CSNK1G1: variants seen among roughly 807,000 people sequenced by gnomAD.
CSNK1G1 encodes casein kinase I isoform gamma-1.
CSNK1G1 carries 22 observed loss-of-function variants against 59.6 expected under a neutral mutation model. That is an observed-to-expected ratio of 0.37 (90% CI 0.26 to 0.53). The LOEUF is 0.53. Among genes scored for constraint, CSNK1G1 ranks in the 20% least tolerant of loss-of-function variants. CSNK1G1 has a pLI of 0.89. For missense variants in CSNK1G1, 384 were observed against 519.5 expected (o/e 0.74, Z 2.54); for synonymous variants, 179 against 177.1 (o/e 1.01, Z -0.08).
At chr15:64,251,804 C>G (rs114306375) in intron 3 of CSNK1G1, among the ~76,000 whole-genome samples, 148 of 152,258 alleles carry the variant, frequency 9.7e-4, no homozygotes, top group African/African-American at 3.4e-3. Context: ...TAAAAATAGA[C>G]TTTGCATGAG....
chr15:64,251,443 A>C, intron 4 of CSNK1G1, 69 bp downstream of exon 4: 1 of 1,174,042 alleles, frequency 8.5e-7, no homozygotes, highest in South Asian at 1.4e-5. Context: ...CAGACAAAAA[A>C]ATTTGTATAT....
chr15:64,320,284 G>A (rs998640782), intron 1 of CSNK1G1, among the ~76,000 whole-genome samples: 4 of 152,060 alleles, frequency 2.6e-5, no homozygotes, highest in Non-Finnish European at 2.9e-5. Context: ...CAGAAGTACC[G>A]GATATTGATT....
chr15:64,231,268 G>C (rs2082544657), intron 4 of CSNK1G1, among the ~76,000 whole-genome samples: 1 of 149,554 alleles, frequency 6.7e-6, no homozygotes, highest in Admixed American at 6.7e-5. Context: ...TGAGGCTGCA[G>C]TGAGCTGTGA....
intron 2 of CSNK1G1, among the ~76,000 whole-genome samples, chr15:64,293,561 A>G (rs1894855778): frequency 6.6e-6 from 1 of 152,228 alleles, no homozygotes; most frequent in East Asian, 1.9e-4. Flanking sequence ...AAACGTACAT[A>G]TCCTTTGACA....
chr15:64,341,798 C>T (rs1384353551), intron 1 of CSNK1G1, among the ~76,000 whole-genome samples: 2 of 152,150 alleles, frequency 1.3e-5, no homozygotes, highest in African/African-American at 2.4e-5. Context: ...CAGTAAGCTT[C>T]TTGGGCATGA....
chr15:64,316,535 C>CAAAAAAAAAAA (rs66620488), intron 1 of CSNK1G1, among the ~76,000 whole-genome samples: 1 of 94,072 alleles, frequency 1.1e-5, no homozygotes, highest in Non-Finnish European at 2.2e-5. Flanking sequence ...GACTCTGTCT[C>CAAAAAAAAAAA]AAAAAAAAAA....
Position 64,343,830 on chromosome 15 carries a change from T to A in CSNK1G1, c.-225+12158A>T, listed in dbSNP as rs138009861. 5.1e-3 allele frequency among the ~76,000 whole-genome samples: 769 copies of A among 151,482 alleles called. 10 individuals are homozygous for A. The highest frequency in any genetic ancestry group is 0.017 in the African/African-American group (713 of 41,386). ...ACCACAGCTCTAGTATGGTGATGAATACACAGTAGAAACTGATTATTTCTT... is the reference window on the plus strand; with the variant it reads ...ACCACAGCTCTAGTATGGTGATGAAAACACAGTAGAAACTGATTATTTCTT... On this transcript the variant is annotated intron_variant, in intron 1 of 11. Coordinates refer to ENST00000303052, the MANE Select transcript of CSNK1G1 (RefSeq NM_022048.5).
At chr15:64,185,592 G>A (rs2081881385) in intron 10 of CSNK1G1, among the ~76,000 whole-genome samples, 1 of 152,058 alleles carries the variant, frequency 6.6e-6, no homozygotes, top group African/African-American at 2.4e-5. Flanking sequence ...GGCCAGGCAC[G>A]GTGGCTCACA....
chr15:64,278,177 G>A (rs1037837164), intron 2 of CSNK1G1, among the ~76,000 whole-genome samples: 3 of 150,768 alleles, frequency 2.0e-5, no homozygotes, highest in African/African-American at 7.3e-5. Flanking sequence ...CTCCCGAGTA[G>A]CTGGGATTAC....
At chr15:64,238,521 ATATATAT>A (rs2082649985) in intron 4 of CSNK1G1, among the ~76,000 whole-genome samples, 1 of 117,472 alleles carries the variant, frequency 8.5e-6, no homozygotes, top group Non-Finnish European at 1.7e-5. Flanking sequence ...AAAAAAAAAT[ATATATAT>A]ATATATATAT....
intron 4 of CSNK1G1, among the ~76,000 whole-genome samples, chr15:64,229,085 T>C (rs1410075393): frequency 6.6e-6 from 1 of 151,024 alleles, no homozygotes; most frequent in Non-Finnish European, 1.5e-5. Flanking sequence ...TATCAACATA[T>C]AGACCTACCT....
chr15:64,266,547 A>C (rs143701563), intron 2 of CSNK1G1, among the ~76,000 whole-genome samples: 130 of 152,330 alleles, frequency 8.5e-4, no homozygotes, highest in African/African-American at 2.9e-3. Flanking sequence ...GAACCACAAA[A>C]GATTCCAAAT....
chr15:64,209,990 G>A (rs1309041006), intron 6 of CSNK1G1, among the ~76,000 whole-genome samples: 31 of 152,028 alleles, frequency 2.0e-4, no homozygotes, highest in Non-Finnish European at 4.4e-5. Flanking sequence ...TAAATTATGA[G>A]ATTAATATAT....
intron 4 of CSNK1G1, among the ~76,000 whole-genome samples, chr15:64,233,469 G>A (rs559939115): frequency 2.0e-5 from 3 of 152,190 alleles, no homozygotes; most frequent in Non-Finnish European, 4.4e-5. Context: ...AGAGCTATTT[G>A]AGAATTTAAA....
chr15:64,247,606 C>A (rs539251263), intron 4 of CSNK1G1, among the ~76,000 whole-genome samples: 1 of 152,280 alleles, frequency 6.6e-6, no homozygotes, highest in South Asian at 2.1e-4. Flanking sequence ...AAAGCAGAGA[C>A]AATGTGGAAG....
Position 64,214,328 on chromosome 15 carries a change from GA to G in CSNK1G1, c.445-205del, listed in dbSNP as rs1404792179. On this transcript the variant is annotated intron_variant, in intron 5 of 11. Transcript: ENST00000303052. This position sits in a 1 kb window ranked among gnomAD's most constrained non-coding sequence, Gnocchi z 4.3. ...CGTACACAACAAATATCAAGACTAG[GA>G]AAAAAAGTGGGATAGTACAGGTCTG... Among the ~76,000 whole-genome samples, 1 of 151,978 alleles carries G rather than the reference GA, an allele frequency of 6.6e-6. No individual in the cohort carries two copies. Among genetic ancestry groups the G allele is most frequent in the Non-Finnish European group, 1.5e-5 (1 of 67,974 alleles).
chr15:64,266,887 A>G (rs1361213844), intron 2 of CSNK1G1, among the ~76,000 whole-genome samples: 2 of 152,226 alleles, frequency 1.3e-5, no homozygotes, highest in African/African-American at 2.4e-5. Flanking sequence ...ACTTAAATGT[A>G]AGACCCAAAA....
chr15:64,258,989 A>G (rs967206096), intron 3 of CSNK1G1, among the ~76,000 whole-genome samples: 1 of 152,134 alleles, frequency 6.6e-6, no homozygotes, highest in Non-Finnish European at 1.5e-5. Context: ...TGCTAACACT[A>G]AAGTTAGTAT....
intron 3 of CSNK1G1, among the ~76,000 whole-genome samples, chr15:64,256,708 C>T (rs1892392665): frequency 6.6e-6 from 1 of 152,210 alleles, no homozygotes; most frequent in South Asian, 2.1e-4. Flanking sequence ...GCTCATTACA[C>T]TATTTTGTTT....
Sources: gnomAD v4.1 joint callset for allele counts (sites outside exome capture counted in the v4.1 genomes callset) on GRCh38, gnomAD v4.1.1 for gene constraint, Gnocchi (gnomAD v3.1) non-coding constraint, MANE v1.5 for transcripts, NCBI Gene and HGNC (gene_info 2026-07-23, HGNC 2026-07-21) for gene names.